ACVR1: variants seen among roughly 807,000 people sequenced by gnomAD.
ACVR1 encodes activin A receptor type 1, also known as activin receptor type-1.
In ACVR1, 38 loss-of-function variants were observed where a neutral mutation model predicts 57.1. The ratio of observed to expected loss-of-function variants is 0.67; its 90% CI spans 0.51 to 0.87. ACVR1 has a LOEUF of 0.87. Among genes scored for constraint, ACVR1 ranks in the 40% least tolerant of loss-of-function variants. ACVR1 has a pLI of 0.00. For synonymous variants in ACVR1, 212 were observed against 228.1 expected, an observed-to-expected ratio of 0.93 and a Z score of 0.63; for missense variants, 463 against 638.2, an observed-to-expected ratio of 0.73 and a Z score of 2.96.
chr2:157,791,014 C>T (rs752537428), intron 3 of ACVR1, among the ~76,000 whole-genome samples: 2 of 152,210 alleles, frequency 1.3e-5, no homozygotes, highest in Non-Finnish European at 2.9e-5. Context: ...CCTTCCCCTG[C>T]CTGCAATGTC....
At chr2:157,766,320 G>T (rs1316777368) in intron 7 of ACVR1, 124 bp from the exon 8 acceptor site, 14 of 967,916 alleles carry the variant, frequency 1.4e-5, no homozygotes, top group Non-Finnish European at 1.9e-5. Flanking sequence ...CTGACCAATT[G>T]CCCTAAGAGG....
At chr2:157,846,426 T>G (rs988140584) in intron 1 of ACVR1, among the ~76,000 whole-genome samples, 3 of 152,228 alleles carry the variant, frequency 2.0e-5, no homozygotes, top group African/African-American at 7.2e-5. Context: ...ATGAAATGAC[T>G]CCTCTTTGCT....
At chr2:157,757,029 T>TATATATATTTGAG (rs1553499021) in intron 9 of ACVR1, among the ~76,000 whole-genome samples, 2,362 of 129,078 alleles carry the variant, frequency 0.018, 64 homozygotes, top group African/African-American at 0.071. Flanking sequence ...TTGATATATA[T>TATATATATTTGAG]ATATATATAT....
chr2:157,748,664 AATTTACAAT>A (rs1443105024), intron 9 of ACVR1, among the ~76,000 whole-genome samples: 1 of 152,080 alleles, frequency 6.6e-6, no homozygotes, highest in East Asian at 1.9e-4. Context: ...AAGAACTGTC[AATTTACAAT>A]CCATGTATGT....
chr2:157,820,941 T>C (rs1574108049), intron 1 of ACVR1, among the ~76,000 whole-genome samples: 1 of 152,350 alleles, frequency 6.6e-6, no homozygotes, highest in East Asian at 1.9e-4. Context: ...AAGTTAAATA[T>C]AATTTAACAT....
chr2:157,831,237 G>A (rs1324161025), intron 1 of ACVR1, among the ~76,000 whole-genome samples: 2 of 152,184 alleles, frequency 1.3e-5, no homozygotes, highest in Non-Finnish European at 2.9e-5. Flanking sequence ...CATGAAAAAG[G>A]TAACAGAAAG....
intron 3 of ACVR1, among the ~76,000 whole-genome samples, chr2:157,794,211 T>C (rs1687025146): frequency 6.6e-6 from 1 of 152,226 alleles, no homozygotes; most frequent in East Asian, 1.9e-4. Flanking sequence ...ATAATAGTAG[T>C]ATTAGAGCAT....
At chr2:157,846,196 G>A (rs974178411) in intron 1 of ACVR1, among the ~76,000 whole-genome samples, 1 of 152,162 alleles carries the variant, frequency 6.6e-6, no homozygotes, top group African/African-American at 2.4e-5. Context: ...GCAGTGAGAC[G>A]ATGGAAACAG....
At chr2:157,837,995 T>G (rs1210086838) in intron 1 of ACVR1, among the ~76,000 whole-genome samples, 1 of 152,196 alleles carries the variant, frequency 6.6e-6, no homozygotes, top group African/African-American at 2.4e-5. Flanking sequence ...ACTTAGGCAA[T>G]GCACACACCA....
At chr2:157,803,322 G>C (rs1687395130) in intron 2 of ACVR1, among the ~76,000 whole-genome samples, 1 of 152,178 alleles carries the variant, frequency 6.6e-6, no homozygotes, top group Middle Eastern at 3.2e-3. Context: ...TCCGTCTCTA[G>C]TGTTTAAAGA....
At chr2:157,739,073 T>C (rs772090517) in intron 9 of ACVR1, among the ~76,000 whole-genome samples, 3 of 152,224 alleles carry the variant, frequency 2.0e-5, no homozygotes, top group African/African-American at 4.8e-5. Flanking sequence ...AGTATTTTGT[T>C]AAGAAAAACA....
At chr2:157,850,388 C>CAA (rs745600769) in intron 1 of ACVR1, among the ~76,000 whole-genome samples, 8 of 126,982 alleles carry the variant, frequency 6.3e-5, no homozygotes, top group African/African-American at 1.5e-4. Context: ...GACTCAGTCT[C>CAA]AAAAAAAAAA....
chr2:157,815,877 T>C (rs1687917621), intron 2 of ACVR1, among the ~76,000 whole-genome samples: 1 of 152,170 alleles, frequency 6.6e-6, no homozygotes, highest in Non-Finnish European at 1.5e-5. Context: ...TGACCAAAAG[T>C]CCAATGTCAA....
At chr2:157,850,825 T>C (rs1327539962) in intron 1 of ACVR1, among the ~76,000 whole-genome samples, 1 of 151,978 alleles carries the variant, frequency 6.6e-6, no homozygotes, top group Admixed American at 6.6e-5. Flanking sequence ...GGTGTGGTGG[T>C]GCACATCTGT....
intron 1 of ACVR1, among the ~76,000 whole-genome samples, chr2:157,851,894 CACACACA>C (rs1689319266): frequency 1.3e-4 from 5 of 38,896 alleles, no homozygotes; most frequent in Admixed American, 4.1e-4. Flanking sequence ...CACACACACA[CACACACA>C]CACACACACC....
At chr2:157,870,795 C>A (rs190823556) in intron 1 of ACVR1, among the ~76,000 whole-genome samples, 2 of 152,196 alleles carry the variant, frequency 1.3e-5, no homozygotes, top group East Asian at 3.9e-4. Context: ...GTGGAATTGA[C>A]TAAGCACAGG....
rs1332027312 is a variant in ACVR1, at chr2:157,778,211, C to G, written c.463G>C (p.Glu155Gln). Residue 155 changes from glutamate (E) to glutamine (Q), a missense_variant, in exon 5 of 11, where the codon GAA (glutamate) becomes CAA (glutamine). Physicochemically the swap from Glu to Gln is conservative, Grantham distance 29. This residue lies in a region of ACVR1 where 203 missense variants were observed against 235.5 expected (regional missense o/e 0.86). Transcript: ENST00000434821. ...TCCACGTCTCGGGGATTGAGGCGTT[C>G]TTGGTTGCGCCTTTTAAATTTTCGG... ...ALRKFKRRNQ[E>Q]RLNPRDVEYG... 1.2e-6 allele frequency: 2 copies of G among 1,614,016 alleles called. No individual in the cohort carries two copies. Among genetic ancestry groups the G allele is most frequent in the South Asian group, 2.2e-5 (2 of 91,068 alleles).
intron 2 of ACVR1, among the ~76,000 whole-genome samples, chr2:157,801,050 T>A (rs1273473873): frequency 6.6e-6 from 1 of 152,070 alleles, no homozygotes; most frequent in African/African-American, 2.4e-5. Context: ...GGTCCACTCA[T>A]CTCCAAAACA....
At chr2:157,863,347 T>C (rs1468859589) in intron 1 of ACVR1, among the ~76,000 whole-genome samples, 1 of 113,984 alleles carries the variant, frequency 8.8e-6, no homozygotes, top group African/African-American at 3.2e-5. Flanking sequence ...TTTTTTTTTT[T>C]TTTTTTTTTT....
Sources: allele counts gnomAD v4.1 joint callset (sites outside exome capture counted in the v4.1 genomes callset), GRCh38; gene constraint gnomAD v4.1.1; regional missense constraint gnomAD v4.1.1; transcripts MANE v1.5; gene names NCBI Gene and HGNC (gene_info 2026-07-23, HGNC 2026-07-21).